Variants in DNAH12 observed in about 807,000 individuals in gnomAD.
DNAH12 encodes axonemal beta dynein heavy chain 12.
A neutral mutation model predicts 371.5 loss-of-function variants in DNAH12; 285 were observed. The ratio of observed to expected loss-of-function variants is 0.77; its 90% CI spans 0.70 to 0.85. The LOEUF is 0.85. Among genes scored for constraint, DNAH12 ranks in the 40% least tolerant of loss-of-function variants. The pLI is 0.00. For missense variants in DNAH12, 3,611 were observed against 3,689.4 expected (o/e 0.98, Z 0.55); for synonymous variants, 1,200 against 1,213.0 (o/e 0.99, Z 0.22).
At position 57,386,752 on chromosome 3, in the gene DNAH12, A is replaced by G. The variant is rs1220446319; in HGVS notation, c.7440-149T>C. 4 of 152,224 alleles carry G rather than the reference A, an allele frequency of 2.6e-5. No homozygotes were observed. The East Asian group carries it at 5.8e-4, about 22-fold the overall frequency. 9.4% of individuals were successfully genotyped at this position (152,224 alleles called of 1,614,324 possible). A position where few individuals can be genotyped will look rare whatever the true frequency, so the allele number is the denominator to read the frequency against. On this transcript the variant is annotated intron_variant, in intron 46 of 73. Transcript: ENST00000495027. ...GAACATTTTAAGACTAGAATCCTAC[A>G]TATTACCACATTATAATTTCTTGTC...
chr3:57,297,412 G>C (rs180672160), intron 70 of DNAH12: 16 of 171,526 alleles, frequency 9.3e-5, no homozygotes, highest in African/African-American at 3.4e-4. Context: ...CTGGAGTGCA[G>C]TGGCATGATC....
chr3:57,497,121 C>A (rs142131592), intron 11 of DNAH12, among the ~76,000 whole-genome samples: 3,654 of 152,290 alleles, frequency 0.024, 67 homozygotes, highest in Non-Finnish European at 0.034. Flanking sequence ...TTTAAATACA[C>A]ACTATGGTCA....
chr3:57,317,457 G>A (rs1266997766), intron 65 of DNAH12, among the ~76,000 whole-genome samples: 1 of 152,020 alleles, frequency 6.6e-6, no homozygotes, highest in Non-Finnish European at 1.5e-5. Flanking sequence ...TATATAAGTG[G>A]AATCATACAG....
intron 1 of DNAH12, among the ~76,000 whole-genome samples, chr3:57,543,787 C>T (rs2069404539): frequency 1.3e-5 from 2 of 151,692 alleles, no homozygotes; most frequent in African/African-American, 4.8e-5. Context: ...TGGCTCACGC[C>T]TGTAATCCCA....
chr3:57,343,423 T>C (rs923415024), intron 60 of DNAH12, among the ~76,000 whole-genome samples: 7 of 152,228 alleles, frequency 4.6e-5, no homozygotes, highest in East Asian at 1.9e-4. Flanking sequence ...GGACTTGCCT[T>C]GTTAACAAAA....
At chr3:57,328,343 A>C (rs1161378971) in intron 62 of DNAH12, among the ~76,000 whole-genome samples, 1 of 150,128 alleles carries the variant, frequency 6.7e-6, no homozygotes, top group Non-Finnish European at 1.5e-5. Context: ...CCAGCAGCAC[A>C]TCAAAAAGCT....
At chr3:57,483,711 C>T (rs981095208) in intron 12 of DNAH12, among the ~76,000 whole-genome samples, 200 bp from the exon 13 acceptor site, 1 of 151,406 alleles carries the variant, frequency 6.6e-6, no homozygotes, top group Non-Finnish European at 1.5e-5. Context: ...TTTGAAAGGC[C>T]AAGGCAGGCA....
At position 57,296,962 on chromosome 3, in the gene DNAH12, G is replaced by A. The variant is rs1454763590; in HGVS notation, c.11417C>T (p.Pro3806Leu). 2 of 1,551,374 alleles carry A rather than the reference G, an allele frequency of 1.3e-6. No homozygotes were observed. Among genetic ancestry groups the A allele is most frequent in the Admixed American group, 3.9e-5 (2 of 50,964 alleles). The part of the protein sequence containing the change: ...FLQDWYNSGK[P>L]CVFWLSGFFF... Reference sequence around the variant, plus strand: ...GAAACCTGACAGCCAAAACACACAAGGTTTTCCTGAATTATACCAGTCCTA... The same window carrying A: ...GAAACCTGACAGCCAAAACACACAAAGTTTTCCTGAATTATACCAGTCCTA... The change falls in exon 71 of 74, where the codon CCT (proline) becomes CTT (leucine). Residue 3806 changes from proline to leucine, a missense_variant. By Grantham distance (98) the Pro-to-Leu change is moderately conservative. Coordinates refer to ENST00000495027, the MANE Select transcript of DNAH12 (RefSeq NM_001366028.2).
chr3:57,379,431 T>C (rs2063342064), intron 51 of DNAH12, 133 bp from the exon 52 acceptor site: 1 of 152,204 alleles, frequency 6.6e-6, no homozygotes, highest in Non-Finnish European at 1.5e-5. Context: ...ATAAGTATTT[T>C]GAAATAATTT....
chr3:57,419,283 T>A, intron 37 of DNAH12, 84 bp downstream of exon 37: 3 of 1,312,518 alleles, frequency 2.3e-6, no homozygotes, highest in Non-Finnish European at 3.0e-6. Flanking sequence ...AAAGGGATGA[T>A]CTCGAATACT....
intron 11 of DNAH12, among the ~76,000 whole-genome samples, chr3:57,499,390 A>T (rs2067432766): frequency 6.6e-6 from 1 of 151,780 alleles, no homozygotes; most frequent in South Asian, 2.1e-4. Flanking sequence ...TTGATTTTTT[A>T]AAGTTAATTT....
intron 4 of DNAH12, 125 bp from the exon 5 acceptor site, chr3:57,511,104 G>T: frequency 3.1e-6 from 2 of 654,616 alleles, no homozygotes; most frequent in Non-Finnish European, 4.6e-6. Flanking sequence ...AACATTTTCA[G>T]AATAAAAACC....
intron 32 of DNAH12, among the ~76,000 whole-genome samples, chr3:57,433,103 C>T (rs536569675): frequency 6.6e-6 from 1 of 150,726 alleles, no homozygotes; most frequent in Non-Finnish European, 1.5e-5. Flanking sequence ...CACTTAACAA[C>T]TTATTCTCAC....
At chr3:57,300,726 C>G (rs1386498391) in intron 70 of DNAH12, among the ~76,000 whole-genome samples, 1 of 152,052 alleles carries the variant, frequency 6.6e-6, no homozygotes, top group African/African-American at 2.4e-5. Context: ...TTAGCTTATA[C>G]AGTGAAAGAA....
intron 69 of DNAH12, among the ~76,000 whole-genome samples, chr3:57,307,111 C>T (rs550465039): frequency 1.3e-5 from 2 of 152,294 alleles, no homozygotes; most frequent in African/African-American, 4.8e-5. Context: ...TTACCTATCT[C>T]GGCATAATTC....
chr3:57,297,294 T>C (rs1247655404), intron 70 of DNAH12: 2 of 327,896 alleles, frequency 6.1e-6, no homozygotes, highest in Non-Finnish European at 1.1e-5. Context: ...AAAGCAACCA[T>C]CATTAGACAT....
chr3:57,408,200 A>G, intron 40 of DNAH12, 80 bp downstream of exon 40: 1 of 1,399,870 alleles, frequency 7.1e-7, no homozygotes, highest in Non-Finnish European at 9.4e-7. Context: ...ACCAAAGCAG[A>G]TAGCATCAAA....
At chr3:57,361,444 C>CTATATATATATATATATATATATATATA (rs1201361123) in intron 58 of DNAH12, among the ~76,000 whole-genome samples, 4 of 116,700 alleles carry the variant, frequency 3.4e-5, no homozygotes, top group Admixed American at 1.7e-4. Context: ...CACACACACA[C>CTATATATATATATATATATATATATATA]TATATATATA....
intron 5 of DNAH12, among the ~76,000 whole-genome samples, chr3:57,509,567 T>C (rs2067902453): frequency 6.6e-6 from 1 of 151,978 alleles, no homozygotes; most frequent in South Asian, 2.1e-4. Flanking sequence ...TTCAAGAGAT[T>C]ACGCGACATG....
Sources: gnomAD v4.1 joint callset for allele counts (sites outside exome capture counted in the v4.1 genomes callset) on GRCh38, gnomAD v4.1.1 for gene constraint, MANE v1.5 for transcripts, NCBI Gene and HGNC (gene_info 2026-07-23, HGNC 2026-07-21) for gene names.